CMPK1: variants seen among roughly 807,000 people sequenced by gnomAD.
The protein encoded by CMPK1 is cytidine/uridine monophosphate kinase 1.
A neutral mutation model predicts 25.7 loss-of-function variants in CMPK1; 10 were observed. The observed-to-expected ratio is 0.39, with a 90% confidence interval of 0.24 to 0.66. The LOEUF (loss-of-function observed/expected upper bound fraction) is 0.66. Ranked by LOEUF, CMPK1 falls within the 30% of genes least tolerant of loss-of-function variation. The pLI is 0.48. For synonymous variants in CMPK1, 106 were observed against 101.5 expected (o/e 1.04, Z -0.27); for missense variants, 199 against 280.5 (o/e 0.71, Z 2.08).
intron 1 of CMPK1, among the ~76,000 whole-genome samples, chr1:47,353,378 T>A (rs751887018): frequency 5.9e-5 from 9 of 152,212 alleles, no homozygotes; most frequent in Non-Finnish European, 1.0e-4. Context: ...GCCCATGCAG[T>A]GTGTTTCTGT....
At chr1:47,334,979 AT>A (rs1557798326) in intron 1 of CMPK1, among the ~76,000 whole-genome samples, 2 of 152,162 alleles carry the variant, frequency 1.3e-5, no homozygotes, top group African/African-American at 4.8e-5. Flanking sequence ...TCTTTTAACA[AT>A]TTTTGAGCTA....
rs143912524 is a variant in CMPK1 at position 47,335,818 on chromosome 1, C to T, written c.171+1702C>T. ...CTCACTCCGTCACCAGGCTGGAGTG[C>T]GGTGGTGCGATCTCAGCACACTGCA... On this transcript the variant is annotated intron_variant, in intron 1 of 5. Transcript: ENST00000371873. Among the ~76,000 whole-genome samples, 789 of 151,580 alleles carry T rather than the reference C, an allele frequency of 5.2e-3. 2 individuals carry two copies. Among genetic ancestry groups the T allele is most frequent in the East Asian group, 0.03 (154 of 5,066 alleles).
At chr1:47,340,576 A>G (rs560208702) in intron 1 of CMPK1, among the ~76,000 whole-genome samples, 1 of 152,302 alleles carries the variant, frequency 6.6e-6, no homozygotes, top group South Asian at 2.1e-4. Flanking sequence ...AAGAAACTAG[A>G]TAGGAAAATC....
intron 1 of CMPK1, among the ~76,000 whole-genome samples, chr1:47,335,274 C>T (rs1646388105): frequency 6.6e-6 from 1 of 152,076 alleles, no homozygotes; most frequent in Non-Finnish European, 1.5e-5. Context: ...TATTTTATTC[C>T]CTAAATAGCA....
intron 1 of CMPK1, among the ~76,000 whole-genome samples, chr1:47,353,932 G>A (rs1646539150): frequency 6.6e-6 from 1 of 152,084 alleles, no homozygotes; most frequent in South Asian, 2.1e-4. Context: ...GTCCAGGCTG[G>A]GCTCGAATTC....
chr1:47,375,497 TA>T (rs34374399), intron 5 of CMPK1, among the ~76,000 whole-genome samples: 10 of 149,656 alleles, frequency 6.7e-5, no homozygotes, highest in African/African-American at 9.8e-5. Flanking sequence ...CTCTGTCTCT[TA>T]AAAAAAAAAG....
chr1:47,356,737 G>A (rs1307846428), intron 1 of CMPK1, among the ~76,000 whole-genome samples: 1 of 151,250 alleles, frequency 6.6e-6, no homozygotes, highest in Non-Finnish European at 1.5e-5. Context: ...CAAGGCTCAC[G>A]GCAGCCTCCA....
intron 1 of CMPK1, among the ~76,000 whole-genome samples, chr1:47,337,926 T>TA (rs1445873883): frequency 6.6e-6 from 1 of 152,144 alleles, no homozygotes; most frequent in African/African-American, 2.4e-5. Context: ...TATCTATTGT[T>TA]AGTGAAGTCA....
At chr1:47,373,250 G>A (rs1361399204) in intron 3 of CMPK1, 143 bp downstream of exon 3, 2 of 614,154 alleles carry the variant, frequency 3.3e-6, no homozygotes, top group African/African-American at 1.9e-5. Flanking sequence ...GAACAGCACT[G>A]TCTTGCTGTT....
At chr1:47,361,082 GC>G (rs1187806639) in intron 1 of CMPK1, among the ~76,000 whole-genome samples, 9 of 152,084 alleles carry the variant, frequency 5.9e-5, no homozygotes, top group Admixed American at 5.9e-4. Context: ...TTTGGGGTGG[GC>G]TTTTAGCATT....
At chr1:47,368,244 A>G (rs1646653191) in intron 1 of CMPK1, among the ~76,000 whole-genome samples, 1 of 152,212 alleles carries the variant, frequency 6.6e-6, no homozygotes, top group African/African-American at 2.4e-5. Flanking sequence ...ACGCCCAGCC[A>G]GGATATATTT....
intron 1 of CMPK1, among the ~76,000 whole-genome samples, chr1:47,364,826 C>T (rs932984434): frequency 3.3e-5 from 5 of 151,596 alleles, no homozygotes; most frequent in Admixed American, 3.3e-4. Context: ...GGCTGGAGGG[C>T]AGTGGCATGA....
chr1:47,344,708 AG>A (rs1245602560), intron 1 of CMPK1, among the ~76,000 whole-genome samples: 3 of 152,006 alleles, frequency 2.0e-5, no homozygotes, highest in Non-Finnish European at 4.4e-5. Context: ...CATGTTGGCC[AG>A]GCTGGTCTCG....
intron 1 of CMPK1, chr1:47,358,212 A>C: frequency 2.3e-6 from 1 of 440,140 alleles, no homozygotes; most frequent in Non-Finnish European, 4.5e-6. Flanking sequence ...CCTGGGGCTC[A>C]AGCTACCCAC....
At chr1:47,352,998 T>C (rs566550781) in intron 1 of CMPK1, among the ~76,000 whole-genome samples, 1 of 152,350 alleles carries the variant, frequency 6.6e-6, no homozygotes, top group Admixed American at 6.5e-5. Context: ...CTCACACTTC[T>C]ATTAGCACAG....
chr1:47,364,568 C>T (rs1032891878), intron 1 of CMPK1, among the ~76,000 whole-genome samples: 1 of 151,204 alleles, frequency 6.6e-6, no homozygotes, highest in Non-Finnish European at 1.5e-5. Flanking sequence ...CCACCCGCCT[C>T]AGCCTCCCAA....
At chr1:47,340,896 C>G (rs897252606) in intron 1 of CMPK1, among the ~76,000 whole-genome samples, 2 of 152,134 alleles carry the variant, frequency 1.3e-5, no homozygotes, top group Non-Finnish European at 2.9e-5. Context: ...CTCAGCCTCC[C>G]AAAGTGTTGG....
intron 1 of CMPK1, among the ~76,000 whole-genome samples, chr1:47,347,709 T>C (rs1375176561): frequency 2.0e-5 from 3 of 152,174 alleles, no homozygotes; most frequent in Non-Finnish European, 2.9e-5. Context: ...CACTGCAACC[T>C]GTGTCTCCCA....
chr1:47,376,802 A>T lies in CMPK1; in HGVS notation c.*57A>T. ...CTTGAATATTGCTTTGATAGCTGCT[A>T]TCATGACCCCTTTTTAAGGCAATTC... is the stretch of plus-strand genomic sequence containing the variant. On this transcript the variant is annotated 3_prime_UTR_variant, in exon 6 of 6. Transcript: ENST00000371873. 1 of 956,256 alleles carries T rather than the reference A, an allele frequency of 1.0e-6. No homozygotes were observed. Among genetic ancestry groups the T allele is most frequent in the South Asian group, 1.4e-5 (1 of 69,662 alleles). 59.2% of individuals were successfully genotyped at this position (956,256 alleles called of 1,614,324 possible).
Sources: gnomAD v4.1 joint callset for allele counts (sites outside exome capture counted in the v4.1 genomes callset) on GRCh38, gnomAD v4.1.1 for gene constraint, MANE v1.5 for transcripts, NCBI Gene and HGNC (gene_info 2026-07-23, HGNC 2026-07-21) for gene names.